XKR6: variants seen among roughly 807,000 people sequenced by gnomAD.
XKR6 encodes the protein XK-related protein 6.
In XKR6, 22 loss-of-function variants were observed where a neutral mutation model predicts 56.7. The ratio of observed to expected loss-of-function variants is 0.39; its 90% CI spans 0.28 to 0.55. The LOEUF (loss-of-function observed/expected upper bound fraction) is 0.55. XKR6 is among the 20% of genes least tolerant of loss of function. The pLI is 0.66. For missense variants in XKR6, 852 were observed against 889.0 expected, an observed-to-expected ratio of 0.96 and a Z score of 0.53; for synonymous variants, 524 against 387.8, an observed-to-expected ratio of 1.35 and a Z score of -4.13.
intron 1 of XKR6, among the ~76,000 whole-genome samples, chr8:11,150,126 C>T (rs1268551014): frequency 6.6e-6 from 1 of 152,088 alleles, no homozygotes; most frequent in Admixed American, 6.6e-5. Context: ...CTAATGGATA[C>T]AAACACACGG....
intron 1 of XKR6, among the ~76,000 whole-genome samples, chr8:11,047,680 G>C (rs149714687): frequency 4.7e-4 from 72 of 152,360 alleles, no homozygotes; most frequent in Non-Finnish European, 9.3e-4. Context: ...GAAGATGCAA[G>C]AGTTCTGGCG....
Position 11,201,219 on chromosome 8 carries a change from C to G in XKR6, c.121G>C (p.Gly41Arg). 1 of 1,538,068 alleles carries G rather than the reference C, an allele frequency of 6.5e-7. No individual in the cohort carries two copies. Among genetic ancestry groups the G allele is most frequent in the South Asian group, 1.2e-5 (1 of 84,378 alleles). The change falls in exon 1 of 3, where the codon GGC (glycine) becomes CGC (arginine). Residue 41 changes from glycine (G) to arginine (R), a missense_variant. Around this residue, in one of 4 missense-constraint regions of XKR6, gnomAD observed 417 missense variants for 355.2 expected, o/e 1.17. Transcript: ENST00000416569. ...CCGGGCTCGCTGCCGTCGCCGCCGC[C>G]GCCGCAGCCGCCTCCCCCGGGCTCC... ...DGEPGGGGCG[G>R]GGDGSEPGES...
intron 1 of XKR6, among the ~76,000 whole-genome samples, chr8:11,043,414 T>A (rs1328840077): frequency 6.6e-6 from 1 of 152,182 alleles, no homozygotes; most frequent in Non-Finnish European, 1.5e-5. Flanking sequence ...TCCTGCTCCT[T>A]CAGGGAGCCG....
intron 1 of XKR6, chr8:11,124,297 T>A (rs1586579248): frequency 5.9e-6 from 2 of 339,686 alleles, no homozygotes; most frequent in East Asian, 1.5e-4. Flanking sequence ...TGGCTAAGTT[T>A]CTACCCTTCA....
chr8:10,960,043 T>A (rs1222529392), intron 1 of XKR6, among the ~76,000 whole-genome samples: 1 of 152,196 alleles, frequency 6.6e-6, no homozygotes, highest in Non-Finnish European at 1.5e-5. Context: ...ACCTGGCACC[T>A]TGTGTGTCTC....
intron 1 of XKR6, among the ~76,000 whole-genome samples, chr8:11,054,374 A>C (rs1799628367): frequency 1.3e-5 from 2 of 152,216 alleles, no homozygotes; most frequent in Admixed American, 6.5e-5. Context: ...TGACTCAAGG[A>C]CTATGTGCCC....
chr8:10,936,187 T>C (rs937603676), intron 1 of XKR6, among the ~76,000 whole-genome samples: 5 of 150,210 alleles, frequency 3.3e-5, no homozygotes, highest in African/African-American at 1.2e-4. Context: ...TCTTTGTTGG[T>C]TTAAAGTCTG....
intron 1 of XKR6, among the ~76,000 whole-genome samples, chr8:10,970,502 T>A (rs1802374854): frequency 6.6e-6 from 1 of 152,142 alleles, no homozygotes; most frequent in Admixed American, 6.5e-5. Flanking sequence ...CCTTGGAGGA[T>A]CTGCACATGA....
At chr8:11,065,713 C>G (rs548812819) in intron 1 of XKR6, among the ~76,000 whole-genome samples, 3 of 152,166 alleles carry the variant, frequency 2.0e-5, no homozygotes, top group Non-Finnish European at 4.4e-5. Context: ...CCAAGCCGGG[C>G]TAAAGTCCGG....
intron 1 of XKR6, among the ~76,000 whole-genome samples, chr8:11,085,007 C>T (rs1453776049): frequency 1.3e-5 from 2 of 152,168 alleles, no homozygotes; most frequent in African/African-American, 4.8e-5. Flanking sequence ...CATCCAGGTG[C>T]ACCTGCAGTT....
chr8:11,129,298 C>T (rs1799985105), intron 1 of XKR6, among the ~76,000 whole-genome samples: 1 of 152,160 alleles, frequency 6.6e-6, no homozygotes, highest in African/African-American at 2.4e-5. Flanking sequence ...GAGAAAATAC[C>T]TAATACCCCT....
intron 1 of XKR6, among the ~76,000 whole-genome samples, chr8:11,098,841 G>A (rs916577234): frequency 6.6e-6 from 1 of 152,016 alleles, no homozygotes; most frequent in Non-Finnish European, 1.5e-5. Context: ...TACAAATTCT[G>A]TTCTGTTTCA....
At chr8:10,986,166 G>T (rs1328801516) in intron 1 of XKR6, among the ~76,000 whole-genome samples, 1 of 152,206 alleles carries the variant, frequency 6.6e-6, no homozygotes, top group Admixed American at 6.5e-5. Flanking sequence ...CAAAGGTGGT[G>T]CTTCAAATCA....
At chr8:11,169,072 G>C (rs986704531) in intron 1 of XKR6, among the ~76,000 whole-genome samples, 1 of 152,094 alleles carries the variant, frequency 6.6e-6, no homozygotes, top group Non-Finnish European at 1.5e-5. Flanking sequence ...TTCAGCTCCT[G>C]AGTGGTCCCA....
chr8:11,044,821 T>C (rs1304836058), intron 1 of XKR6, among the ~76,000 whole-genome samples: 1 of 152,084 alleles, frequency 6.6e-6, no homozygotes, highest in Non-Finnish European at 1.5e-5. Flanking sequence ...GGTTTCACCA[T>C]GTTGGGTAGG....
intron 1 of XKR6, among the ~76,000 whole-genome samples, chr8:10,933,778 C>A (rs1373072792): frequency 4.5e-4 from 67 of 147,264 alleles, no homozygotes; most frequent in Non-Finnish European, 5.6e-4. Context: ...GGTACCAGTA[C>A]CATGCTGTTT....
intron 1 of XKR6, among the ~76,000 whole-genome samples, chr8:11,014,131 TAC>T (rs1798560256): frequency 6.6e-6 from 1 of 152,196 alleles, no homozygotes; most frequent in Non-Finnish European, 1.5e-5. Flanking sequence ...AGCCAGTAAA[TAC>T]TCTGGTACCG....
chr8:11,073,552 C>T (rs116796807), intron 1 of XKR6, among the ~76,000 whole-genome samples: 9 of 152,312 alleles, frequency 5.9e-5, no homozygotes, highest in Non-Finnish European at 7.4e-5. Context: ...TTTAGTCTTT[C>T]GCTGTAACAT....
chr8:10,931,676 T>TA (rs989629722), intron 1 of XKR6, among the ~76,000 whole-genome samples: 1 of 152,160 alleles, frequency 6.6e-6, no homozygotes, highest in African/African-American at 2.4e-5. Context: ...AATGATGTAG[T>TA]AATAATAAGT....
Sources: allele counts gnomAD v4.1 joint callset (sites outside exome capture counted in the v4.1 genomes callset), GRCh38; gene constraint gnomAD v4.1.1; regional missense constraint gnomAD v4.1.1; transcripts MANE v1.5; gene names NCBI Gene and HGNC (gene_info 2026-07-23, HGNC 2026-07-21).